Variants in ACOT9 observed in about 807,000 individuals in gnomAD.
The protein encoded by ACOT9 is acyl-CoA thioesterase 9.
In ACOT9, 34 loss-of-function variants were observed where a neutral mutation model predicts 39.7. The observed-to-expected ratio is 0.86, with a 90% confidence interval of 0.65 to 1.14. The LOEUF is 1.14. ACOT9 is among the 50% of genes most tolerant of loss of function. The pLI is 0.00. For missense variants in ACOT9, 313 were observed against 344.1 expected (o/e 0.91, Z 0.71); for synonymous variants, 110 against 120.5 (o/e 0.91, Z 0.57).
At position 23,708,971 on chromosome X, in the gene ACOT9, C is replaced by T. The variant is rs181530694; in HGVS notation, c.663-1027G>A. Among the ~76,000 whole-genome samples, 931 of 111,794 alleles carry T rather than the reference C, an allele frequency of 8.3e-3. 8 individuals are homozygous for T. The highest frequency in any genetic ancestry group is 0.029 in the African/African-American group (888 of 30,839). On this transcript the variant is annotated intron_variant, in intron 9 of 15. Coordinates refer to ENST00000379303, the MANE Select transcript of ACOT9 (RefSeq NM_001037171.2). ...TAATACAATTTACGTGAAAGGCATA[C>T]GTTTGTTGCATTATTCTATCTACTT... is the stretch of plus-strand genomic sequence containing the variant.
chrX:23,731,420 T>C (rs1420077292), intron 4 of ACOT9, among the ~76,000 whole-genome samples: 2 of 102,922 alleles, frequency 1.9e-5, no homozygotes, highest in Non-Finnish European at 3.9e-5. Context: ...GAGGTTGCAA[T>C]GAGCCAAGAT....
rs769372829 is a variant in ACOT9 at position 23,730,807 on chromosome X, CTG to C, written c.362+7_362+8del. 1.7e-6 allele frequency: 2 copies of C among 1,179,878 alleles called. No individual in the cohort carries two copies. The highest frequency in any genetic ancestry group is 2.3e-6 in the Non-Finnish European group (2 of 880,478). ...TAAAAACAAATACATAAAAATAGCA[CTG>C]TGTTACCTTACGGTGTTTTGAACAG... is the stretch of plus-strand genomic sequence containing the variant. On this transcript the variant is annotated splice_region_variant and intron_variant, in intron 5 of 15. Transcript: ENST00000379303.
At chrX:23,709,134 C>T (rs1928807716) in intron 9 of ACOT9, among the ~76,000 whole-genome samples, 3 of 111,521 alleles carry the variant, frequency 2.7e-5, no homozygotes. Context: ...GGTTCACGCT[C>T]GTAATCCCAG....
At chrX:23,742,295 G>A (rs1202138783) in intron 1 of ACOT9, among the ~76,000 whole-genome samples, 2 of 101,784 alleles carry the variant, frequency 2.0e-5, no homozygotes, top group Non-Finnish European at 3.9e-5. Context: ...GGGTTAATGT[G>A]AGTCAAAAGC....
chrX:23,706,804 C>A (rs750543146), intron 10 of ACOT9, 65 bp from the exon 11 acceptor site: 381 of 624,500 alleles, frequency 6.1e-4, no homozygotes, highest in South Asian at 3.0e-3. Flanking sequence ...GGTATTCTGA[C>A]CTGGGATGCC....
rs747735975 is a variant in ACOT9 at position 23,714,540 on chromosome X, G to A, written c.589-1332C>T. On this transcript the variant is annotated intron_variant, in intron 8 of 15. Transcript: ENST00000379303. The stretch of plus-strand genomic sequence containing the variant: ...AGTAAATATAAATATTCTGAAATCA[G>A]AAACACTTCTGGTCCCAGGCATTTC... Among the ~76,000 whole-genome samples, 6 of 111,723 alleles carry A rather than the reference G, an allele frequency of 5.4e-5. No individual in the cohort carries two copies. In the East Asian group the frequency reaches 1.7e-3, roughly 31 times the overall value.
chrX:23,731,116 C>A, intron 4 of ACOT9, 130 bp from the exon 5 acceptor site: 1 of 443,715 alleles, frequency 2.3e-6, no homozygotes. Context: ...CCTTCTCTTC[C>A]TTCCCTCCCT....
chrX:23,731,474 C>CA (rs59649997), intron 4 of ACOT9, among the ~76,000 whole-genome samples: 1,274 of 68,560 alleles, frequency 0.019, 46 homozygotes, highest in East Asian at 0.18. Context: ...AAGACTGTCT[C>CA]AAAAAAAAAA....
At chrX:23,731,492 A>G (rs1347532575) in intron 4 of ACOT9, among the ~76,000 whole-genome samples, 5 of 107,760 alleles carry the variant, frequency 4.6e-5, no homozygotes, top group Non-Finnish European at 9.6e-5. Flanking sequence ...AAAAAAAAAA[A>G]GAAAACTTAA....
intron 6 of ACOT9, among the ~76,000 whole-genome samples, chrX:23,726,153 T>G (rs1601815888): frequency 9.0e-6 from 1 of 110,962 alleles, no homozygotes; most frequent in African/African-American, 3.3e-5. Context: ...TGAGCTGAGA[T>G]AGCGCCATTG....
rs1317455540 is a variant in ACOT9, at chrX:23,733,221, A to T, written c.146-4T>A. 1.7e-6 allele frequency: 2 copies of T among 1,204,536 alleles called. No homozygotes were observed. On this transcript the variant is annotated splice_region_variant and splice_polypyrimidine_tract_variant and intron_variant, in intron 3 of 15. Transcript: ENST00000379303. Reference sequence around the variant, plus strand: ...ATCTCCCGCAACTTATCTCGAACTGAAACAAAAATAAAGAGGTCATTCCAT... The same window carrying T: ...ATCTCCCGCAACTTATCTCGAACTGTAACAAAAATAAAGAGGTCATTCCAT...
At chrX:23,735,798 T>G in intron 2 of ACOT9, 121 bp downstream of exon 2, 2 of 531,245 alleles carry the variant, frequency 3.8e-6, no homozygotes, top group Non-Finnish European at 6.0e-6. Flanking sequence ...ATGAAATGTT[T>G]ATGAAAGATC....
At chrX:23,720,007 T>TG (rs762662663) in intron 8 of ACOT9, among the ~76,000 whole-genome samples, 19,017 of 110,767 alleles carry the variant, frequency 0.17, 1,535 homozygotes, top group Non-Finnish European at 0.24. Context: ...GCTAATTTTT[T>TG]TATTTTTAGT....
chrX:23,703,892 T>C lies in ACOT9; in HGVS notation c.*2A>G, dbSNP rs1261899109. ...TGCTAGTTTTCAACAAATGTGGTGT[T>C]CTTAGGGCTCCACAAGGTAGTCCTT... is the stretch of plus-strand genomic sequence containing the variant. On this transcript the variant is annotated 3_prime_UTR_variant, in exon 16 of 16. Coordinates refer to ENST00000379303, the MANE Select transcript of ACOT9 (RefSeq NM_001037171.2). The C allele has an allele frequency of 5.0e-6, 6 of 1,205,143 alleles. No individual in the cohort carries two copies. The African/African-American group carries it at 1.1e-4, about 21-fold the overall frequency.
intron 8 of ACOT9, among the ~76,000 whole-genome samples, chrX:23,720,463 A>G (rs764428389): frequency 9.0e-6 from 1 of 111,505 alleles, no homozygotes; most frequent in African/African-American, 3.2e-5. Context: ...CCCTTAATCC[A>G]GTATGATTAG....
chrX:23,720,913 G>C (rs140481214), intron 8 of ACOT9, among the ~76,000 whole-genome samples: 1 of 110,001 alleles, frequency 9.1e-6, no homozygotes, highest in South Asian at 3.9e-4. Context: ...ATTATCTCTG[G>C]ATTACTTATA....
intron 2 of ACOT9, among the ~76,000 whole-genome samples, chrX:23,734,958 T>G (rs1343102060): frequency 2.6e-5 from 2 of 76,393 alleles, no homozygotes; most frequent in Admixed American, 1.9e-4. Context: ...CTCCAGCCTA[T>G]GCGACAGAGT....
chrX:23,732,870 A>G (rs1929805353), intron 4 of ACOT9, among the ~76,000 whole-genome samples: 1 of 112,154 alleles, frequency 8.9e-6, no homozygotes, highest in Non-Finnish European at 1.9e-5. Context: ...GTGTAAAAAA[A>G]GGAACAGGAA....
At chrX:23,726,508 C>G (rs1262779056) in intron 6 of ACOT9, among the ~76,000 whole-genome samples, 1 of 110,545 alleles carries the variant, frequency 9.0e-6, no homozygotes, top group Non-Finnish European at 1.9e-5. Flanking sequence ...CGTGGAGGAG[C>G]AGAAGCCGGA....
Sources: allele counts gnomAD v4.1 joint callset (sites outside exome capture counted in the v4.1 genomes callset), GRCh38; gene constraint gnomAD v4.1.1; transcripts MANE v1.5; gene names NCBI Gene and HGNC (gene_info 2026-07-23, HGNC 2026-07-21).